Variants in KYNU observed in about 807,000 individuals in gnomAD.
KYNU encodes the protein L-kynurenine hydrolase.
Under a neutral mutation model 59.2 loss-of-function variants are expected in KYNU, and 54 were observed. The ratio of observed to expected loss-of-function variants is 0.91; its 90% CI spans 0.73 to 1.14. KYNU has a LOEUF of 1.14. KYNU is among the 50% of genes most tolerant of loss of function. KYNU has a pLI of 0.00. For missense variants in KYNU, 567 were observed against 554.4 expected (o/e 1.02, Z -0.23); for synonymous variants, 177 against 192.0 (o/e 0.92, Z 0.65).
chr2:142,885,394 G>A lies in KYNU; in HGVS notation c.27G>A (p.Pro9=), dbSNP rs780274606. The A allele has an allele frequency of 9.3e-6, 15 of 1,613,586 alleles. No individual in the cohort carries two copies. Among genetic ancestry groups the A allele is most frequent in the South Asian group, 3.3e-5 (3 of 91,024 alleles). Residue 9 remains proline, a synonymous_variant, in exon 2 of 14, where the codon CCG becomes CCA. Coordinates refer to ENST00000264170, the MANE Select transcript of KYNU (RefSeq NM_003937.3). MEPSSLEL[P]ADTVQRIAAE... Reference sequence around the variant, plus strand: ...TGGAGCCTTCATCTCTTGAGCTGCCGGCTGACACAGTGCAGCGCATTGCGG... The same window carrying A: ...TGGAGCCTTCATCTCTTGAGCTGCCAGCTGACACAGTGCAGCGCATTGCGG...
In KYNU at chr2:142,928,881, A is replaced by T. The variant is rs191533619; in HGVS notation, c.373+1140A>T. ...AAAAATTAGCCAAGCATGCTGGCAC[A>T]CCCGTAGTCCCAGATACTTGAGAGG... is the stretch of plus-strand genomic sequence containing the variant. On this transcript the variant is annotated intron_variant, in intron 4 of 13. Transcript: ENST00000264170. Among the ~76,000 whole-genome samples the T allele has an allele frequency of 1.4e-3, 213 of 151,536 alleles. 1 individual carries two copies. Among genetic ancestry groups the T allele is most frequent in the South Asian group, 5.0e-3 (24 of 4,784 alleles).
intron 10 of KYNU, among the ~76,000 whole-genome samples, chr2:143,012,500 A>G (rs1160111503): frequency 6.6e-6 from 1 of 151,910 alleles, no homozygotes; most frequent in Admixed American, 6.6e-5. Context: ...CAAAAAAAAA[A>G]AAAAAGAAAG....
In KYNU at chr2:143,053,561, C is replaced by A. The variant is rs1273553569; in HGVS notation, c.*11389C>A. On this transcript the variant is annotated 3_prime_UTR_variant, in exon 14 of 14. Coordinates refer to ENST00000264170, the MANE Select transcript of KYNU (RefSeq NM_003937.3). ...GGTACCCGGTGGGAGGTAATTGAATCATGAGGGCAGGTCTTTTCTGTGCTG... is the reference window on the plus strand; with the variant it reads ...GGTACCCGGTGGGAGGTAATTGAATAATGAGGGCAGGTCTTTTCTGTGCTG... 2 of 152,104 alleles carry A rather than the reference C, an allele frequency of 1.3e-5. No individual in the cohort carries two copies. The highest frequency in any genetic ancestry group is 1.3e-4 in the Admixed American group (2 of 15,260). 9.4% of individuals were successfully genotyped at this position (152,104 alleles called of 1,614,324 possible). A position where few individuals can be genotyped will look rare whatever the true frequency, so the allele number is the denominator to read the frequency against.
chr2:143,008,241 A>G (rs1198650211), intron 10 of KYNU, among the ~76,000 whole-genome samples: 2 of 112,684 alleles, frequency 1.8e-5, no homozygotes, highest in African/African-American at 8.3e-5. Flanking sequence ...AAACAAAAAA[A>G]GGCAGGGGTT....
At chr2:142,941,999 C>T (rs943116149) in intron 4 of KYNU, among the ~76,000 whole-genome samples, 2 of 151,820 alleles carry the variant, frequency 1.3e-5, no homozygotes, top group African/African-American at 4.8e-5. Flanking sequence ...TGAAACTCCG[C>T]CTCTGCAAGA....
chr2:142,929,005 C>CT (rs1683126440), intron 4 of KYNU, among the ~76,000 whole-genome samples: 1 of 59,264 alleles, frequency 1.7e-5, no homozygotes, highest in African/African-American at 6.4e-5. Flanking sequence ...GACACCCTGT[C>CT]TCAAAAAAAA....
At chr2:142,901,227 G>T (rs771713155) in intron 2 of KYNU, among the ~76,000 whole-genome samples, 1 of 152,082 alleles carries the variant, frequency 6.6e-6, no homozygotes, top group Non-Finnish European at 1.5e-5. Context: ...TAAGTGAAAG[G>T]TTTGGTGAAG....
In KYNU at chr2:142,956,234, A is replaced by G; in HGVS notation, c.467A>G (p.Tyr156Cys). 5 of 1,604,374 alleles carry G rather than the reference A, an allele frequency of 3.1e-6. No individual in the cohort carries two copies. The highest frequency in any genetic ancestry group is 4.3e-6 in the Non-Finnish European group (5 of 1,171,792). ...LSFFKPTPKRYKILLEAKAFP... is the reference protein window; with the variant it reads ...LSFFKPTPKRCKILLEAKAFP... ...TTTTTTAAGCCTACGCCAAAACGATATAAAATTCTTCTAGAAGCCAAAGCC... is the reference window on the plus strand; with the variant it reads ...TTTTTTAAGCCTACGCCAAAACGATGTAAAATTCTTCTAGAAGCCAAAGCC... The change falls in exon 6 of 14, where the codon TAT (tyrosine) becomes TGT (cysteine). Residue 156 changes from tyrosine (Y) to cysteine (C), a missense_variant. Transcript: ENST00000264170.
At chr2:143,012,679 T>C (rs1252066676) in intron 10 of KYNU, among the ~76,000 whole-genome samples, 1 of 152,142 alleles carries the variant, frequency 6.6e-6, no homozygotes, top group East Asian at 1.9e-4. Context: ...GATATCCACC[T>C]TCATGCAGTT....
At chr2:142,891,223 A>G (rs1439668676) in intron 2 of KYNU, among the ~76,000 whole-genome samples, 2 of 152,230 alleles carry the variant, frequency 1.3e-5, no homozygotes, top group African/African-American at 2.4e-5. Context: ...TAGTAATTGC[A>G]TATGATTACA....
intron 3 of KYNU, among the ~76,000 whole-genome samples, chr2:142,919,166 G>A (rs1324084564): frequency 6.6e-6 from 1 of 152,174 alleles, no homozygotes; most frequent in Non-Finnish European, 1.5e-5. Context: ...TGGATACAGA[G>A]AAACTTTAGC....
intron 2 of KYNU, among the ~76,000 whole-genome samples, chr2:142,913,650 G>A (rs141057350): frequency 2.7e-4 from 41 of 152,286 alleles, no homozygotes; most frequent in Middle Eastern, 6.8e-3. Flanking sequence ...GTTCACAGAC[G>A]AGAAGAATGT....
chr2:143,021,096 G>A (rs1325801289), intron 10 of KYNU, among the ~76,000 whole-genome samples: 2 of 151,888 alleles, frequency 1.3e-5, no homozygotes, highest in Non-Finnish European at 2.9e-5. Context: ...TCTGTAAAAG[G>A]TCTATTCGTA....
chr2:143,002,716 G>A (rs1188958165), intron 10 of KYNU, among the ~76,000 whole-genome samples: 2 of 152,052 alleles, frequency 1.3e-5, no homozygotes, highest in African/African-American at 4.8e-5. Flanking sequence ...AATACATGTT[G>A]CTATTTTTTT....
chr2:142,900,909 T>C (rs1051415061), intron 2 of KYNU, among the ~76,000 whole-genome samples: 1 of 152,100 alleles, frequency 6.6e-6, no homozygotes, highest in Non-Finnish European at 1.5e-5. Context: ...TGAAGAACAA[T>C]TTGTAGTTTT....
intron 4 of KYNU, among the ~76,000 whole-genome samples, chr2:142,949,245 G>A (rs1226144685): frequency 1.3e-5 from 2 of 152,180 alleles, no homozygotes; most frequent in South Asian, 4.1e-4. Flanking sequence ...TGGGCGCATG[G>A]TGCAAGCTGT....
At chr2:143,025,128 C>T (rs10496940) in intron 10 of KYNU, among the ~76,000 whole-genome samples, 1 of 151,864 alleles carries the variant, frequency 6.6e-6, no homozygotes, top group African/African-American at 2.4e-5. Flanking sequence ...TAATCCTATT[C>T]CTACATTTTT....
At chr2:142,900,461 T>G (rs778367743) in intron 2 of KYNU, among the ~76,000 whole-genome samples, 18 of 152,224 alleles carry the variant, frequency 1.2e-4, no homozygotes, top group Non-Finnish European at 2.5e-4. Flanking sequence ...GTTTATATCC[T>G]GATCATTATC....
chr2:142,887,074 G>A (rs1434177818), intron 2 of KYNU, among the ~76,000 whole-genome samples: 1 of 152,080 alleles, frequency 6.6e-6, no homozygotes, highest in Non-Finnish European at 1.5e-5. Context: ...GGAGGCTGAG[G>A]CAGGAGAATG....
Sources: allele counts gnomAD v4.1 joint callset (sites outside exome capture counted in the v4.1 genomes callset), GRCh38; gene constraint gnomAD v4.1.1; transcripts MANE v1.5; gene names NCBI Gene and HGNC (gene_info 2026-07-23, HGNC 2026-07-21).